The following ATP8A1 variants were observed in gnomAD, a reference collection of about 807,000 sequenced individuals.
ATP8A1 encodes ATPase phospholipid transporting 8A1.
In ATP8A1, 90 loss-of-function variants were observed where a neutral mutation model predicts 177.7. That is an observed-to-expected ratio of 0.51 (90% CI 0.43 to 0.60). The LOEUF is 0.60. Ranked by LOEUF, ATP8A1 falls within the 20% of genes least tolerant of loss-of-function variation. The pLI is 0.00. For missense variants in ATP8A1, 1,072 were observed against 1,392.8 expected (o/e 0.77, Z 3.67); for synonymous variants, 493 against 485.9 (o/e 1.01, Z -0.19).
chr4:42,568,410 A>G (rs1195718642), intron 15 of ATP8A1, among the ~76,000 whole-genome samples: 1 of 152,214 alleles, frequency 6.6e-6, no homozygotes, highest in Non-Finnish European at 1.5e-5. Flanking sequence ...TTCTAAAGTT[A>G]CCAACATTAA....
intron 7 of ATP8A1, among the ~76,000 whole-genome samples, chr4:42,590,416 C>T (rs1734050311): frequency 6.6e-6 from 1 of 152,110 alleles, no homozygotes; most frequent in South Asian, 2.1e-4. Flanking sequence ...ATAATCTAAT[C>T]AATTTTCAAT....
chr4:42,605,308 A>G (rs1735685835), intron 5 of ATP8A1, among the ~76,000 whole-genome samples: 1 of 152,290 alleles, frequency 6.6e-6, no homozygotes, highest in South Asian at 2.1e-4. Context: ...TGGTTATGTA[A>G]CCCTCAGAGG....
chr4:42,524,765 T>A lies in ATP8A1; in HGVS notation c.1805A>T (p.Glu602Val). 6.3e-7 allele frequency: 1 copy of A among 1,599,252 alleles called. No homozygotes were observed. The highest frequency in any genetic ancestry group is 8.5e-7 in the Non-Finnish European group (1 of 1,170,346). The change falls in exon 21 of 37, where the codon GAA (glutamate) becomes GTA (valine). Residue 602 changes from glutamate to valine, a missense_variant and splice_region_variant. This residue lies in a region of ATP8A1 where 388 missense variants were observed against 471.7 expected (regional missense o/e 0.82). Coordinates refer to ENST00000381668, the MANE Select transcript of ATP8A1 (RefSeq NM_006095.2). Reference sequence around the variant, plus strand: ...CTTTATTGCCAAATTACACTTACCTTCTGTAGCAAACTGCTCTAAATGTTT... The same window carrying A: ...CTTTATTGCCAAATTACACTTACCTACTGTAGCAAACTGCTCTAAATGTTT... ...TLKHLEQFATEGLRTLCFAVA... is the reference protein window; with the variant it reads ...TLKHLEQFATVGLRTLCFAVA...
intron 18 of ATP8A1, among the ~76,000 whole-genome samples, chr4:42,549,444 G>GA (rs60275335): frequency 0.75 from 114,095 of 151,778 alleles, 43,076 homozygotes; most frequent in East Asian, 0.87. Context: ...TAATAGGGGG[G>GA]AAAAAAGGGA....
chr4:42,606,365 T>C (rs1395520930), intron 5 of ATP8A1, among the ~76,000 whole-genome samples: 2 of 152,190 alleles, frequency 1.3e-5, no homozygotes, highest in African/African-American at 2.4e-5. Flanking sequence ...ATGGTATGTA[T>C]GTGAAATCTG....
chr4:42,583,068 T>C (rs923146281), intron 9 of ATP8A1, among the ~76,000 whole-genome samples: 1 of 152,212 alleles, frequency 6.6e-6, no homozygotes, highest in Non-Finnish European at 1.5e-5. Flanking sequence ...AACTTCTTTG[T>C]AAGTGGAGGC....
Position 42,412,602 on chromosome 4 carries a change from C to T in ATP8A1, c.*314G>A, listed in dbSNP as rs546801166. On this transcript the variant is annotated 3_prime_UTR_variant, in exon 37 of 37. Transcript: ENST00000381668. ...ATAAACTGACAGTCAGTTACAGCCC[C>T]ACAGTAATGGCATAAGAATACTGAC... is the stretch of plus-strand genomic sequence containing the variant. The T allele has an allele frequency of 9.9e-6, 2 of 202,096 alleles. No individual in the cohort carries two copies. The highest frequency in any genetic ancestry group is 4.6e-5 in the African/African-American group (2 of 43,100). The allele number at this position is 202,096 out of a possible 1,614,324, so 12.5% of individuals were successfully genotyped here. A position where few individuals can be genotyped will look rare whatever the true frequency, so the allele number is the denominator to read the frequency against.
chr4:42,637,254 A>G, intron 1 of ATP8A1: 1 of 516,258 alleles, frequency 1.9e-6, no homozygotes, highest in Non-Finnish European at 3.9e-6. Context: ...AACAGGCCCT[A>G]CTTGCTGGAT....
intron 16 of ATP8A1, among the ~76,000 whole-genome samples, chr4:42,554,461 C>T (rs1383285388): frequency 1.3e-5 from 2 of 152,146 alleles, no homozygotes; most frequent in Non-Finnish European, 2.9e-5. Flanking sequence ...TAGGGCTAGG[C>T]TTTGTAGATC....
intron 24 of ATP8A1, among the ~76,000 whole-genome samples, chr4:42,499,751 A>G (rs1310864497): frequency 1.3e-5 from 2 of 152,250 alleles, no homozygotes; most frequent in Admixed American, 6.5e-5. Context: ...ATAATATCGC[A>G]TAAACCCAAT....
chr4:42,627,640 G>C (rs1194191280), intron 1 of ATP8A1, among the ~76,000 whole-genome samples: 1 of 152,004 alleles, frequency 6.6e-6, no homozygotes, highest in Non-Finnish European at 1.5e-5. Flanking sequence ...GTTCACAAAC[G>C]AACTTTAAAT....
At chr4:42,532,550 A>G (rs564158711) in intron 20 of ATP8A1, among the ~76,000 whole-genome samples, 1 of 152,300 alleles carries the variant, frequency 6.6e-6, no homozygotes, top group East Asian at 1.9e-4. Flanking sequence ...CTGGATTGGA[A>G]TAATATAACT....
chr4:42,511,281 C>T (rs965339697), intron 22 of ATP8A1, among the ~76,000 whole-genome samples: 1 of 152,118 alleles, frequency 6.6e-6, no homozygotes, highest in Non-Finnish European at 1.5e-5. Context: ...GCGTGCTTTT[C>T]CTGATCATAA....
At chr4:42,446,977 T>G (rs1336389235) in intron 30 of ATP8A1, among the ~76,000 whole-genome samples, 1 of 152,000 alleles carries the variant, frequency 6.6e-6, no homozygotes, top group Non-Finnish European at 1.5e-5. Flanking sequence ...GTTAACAATA[T>G]GGATGAGAGT....
chr4:42,478,856 G>A (rs1240201406), intron 25 of ATP8A1, among the ~76,000 whole-genome samples: 1 of 152,164 alleles, frequency 6.6e-6, no homozygotes. Flanking sequence ...CTGATGGCAT[G>A]GATAAGTTTA....
At position 42,551,187 on chromosome 4, in the gene ATP8A1, A is replaced by G. The variant is rs752076683; in HGVS notation, c.1602+11T>C. On this transcript the variant is annotated intron_variant, in intron 18 of 36. Coordinates refer to ENST00000381668, the MANE Select transcript of ATP8A1 (RefSeq NM_006095.2). ...TTGGATTAAAAAGAACCTTAAAAAC[A>G]ACTAACTTACTGAATCTATAATCAC... 9.3e-6 allele frequency: 15 copies of G among 1,606,596 alleles called. No homozygotes were observed. The Admixed American group carries it at 1.8e-4, about 20-fold the overall frequency.
intron 27 of ATP8A1, among the ~76,000 whole-genome samples, chr4:42,458,865 TACAA>T (rs142855617): frequency 0.042 from 6,450 of 152,282 alleles, 180 homozygotes; most frequent in Non-Finnish European, 0.059. Context: ...AACAGCAGCT[TACAA>T]ACAGTCAATG....
chr4:42,656,675 G>C (rs1577802430), intron 1 of ATP8A1, 150 bp downstream of exon 1: 2 of 863,586 alleles, frequency 2.3e-6, no homozygotes, highest in South Asian at 2.3e-5. Context: ...GGGCAGCGCG[G>C]GGGGAAGGGT....
chr4:42,548,345 G>A (rs926807570), intron 19 of ATP8A1, among the ~76,000 whole-genome samples: 4 of 152,062 alleles, frequency 2.6e-5, no homozygotes, highest in East Asian at 1.9e-4. Flanking sequence ...GCCATAAGAC[G>A]CATGGCCGTA....
Sources: allele counts gnomAD v4.1 joint callset (sites outside exome capture counted in the v4.1 genomes callset), GRCh38; gene constraint gnomAD v4.1.1; regional missense constraint gnomAD v4.1.1; transcripts MANE v1.5; gene names NCBI Gene and HGNC (gene_info 2026-07-23, HGNC 2026-07-21).